The following SH3BGR variants were observed in gnomAD, a reference collection of about 807,000 sequenced individuals.
SH3BGR encodes SH3 domain binding glutamate rich protein.
A neutral mutation model predicts 24.5 loss-of-function variants in SH3BGR; 29 were observed. The observed-to-expected ratio is 1.18, with a 90% CI of 0.88 to 1.61. SH3BGR has a LOEUF of 1.61. SH3BGR is among the 40% of genes most tolerant of loss of function. The probability of loss-of-function intolerance (pLI) is 0.00; values close to 1 mark genes in which losing one functional copy is unlikely to be tolerated. For missense variants in SH3BGR, 162 were observed against 205.8 expected (o/e 0.79, Z 1.30); for synonymous variants, 55 against 65.7 (o/e 0.84, Z 0.79).
chr21:39,482,752 C>T (rs1251984924), intron 3 of SH3BGR, among the ~76,000 whole-genome samples: 1 of 152,176 alleles, frequency 6.6e-6, no homozygotes. Flanking sequence ...TCACTGCGAC[C>T]TCTGCCTCCT....
intron 1 of SH3BGR, among the ~76,000 whole-genome samples, chr21:39,452,984 G>C (rs1213355423): frequency 6.6e-6 from 1 of 152,188 alleles, no homozygotes; most frequent in Non-Finnish European, 1.5e-5. Flanking sequence ...AGAAAAAACA[G>C]TTTTATTAAA....
chr21:39,486,685 C>G (rs531820788), intron 3 of SH3BGR, among the ~76,000 whole-genome samples: 1 of 152,260 alleles, frequency 6.6e-6, no homozygotes, highest in African/African-American at 2.4e-5. Context: ...TTGTCTGATA[C>G]CAGGCAAAAC....
At chr21:39,452,718 G>A (rs532623605) in intron 1 of SH3BGR, among the ~76,000 whole-genome samples, 1 of 152,260 alleles carries the variant, frequency 6.6e-6, no homozygotes, top group East Asian at 1.9e-4. Context: ...CATTCAGACG[G>A]CCCCAAAATA....
intron 3 of SH3BGR, 57 bp downstream of exon 3, chr21:39,475,272 A>G (rs2078008876): frequency 9.9e-7 from 1 of 1,012,484 alleles, no homozygotes; most frequent in Non-Finnish European, 1.6e-6. Context: ...ATGAAGGTAG[A>G]AATCACCGCA....
At chr21:39,481,476 C>T (rs1351976956) in intron 3 of SH3BGR, among the ~76,000 whole-genome samples, 1 of 152,154 alleles carries the variant, frequency 6.6e-6, no homozygotes, top group Non-Finnish European at 1.5e-5. Context: ...TAGATTGCTC[C>T]AGGTCACAAG....
chr21:39,478,914 C>T (rs2078071688), intron 3 of SH3BGR, among the ~76,000 whole-genome samples: 2 of 152,136 alleles, frequency 1.3e-5, no homozygotes, highest in Admixed American at 1.3e-4. Flanking sequence ...TTTCTTAATT[C>T]TGAGTTTATT....
At chr21:39,458,816 T>A (rs2077707318) in intron 1 of SH3BGR, among the ~76,000 whole-genome samples, 1 of 151,848 alleles carries the variant, frequency 6.6e-6, no homozygotes, top group Non-Finnish European at 1.5e-5. Context: ...CTGGCTCATT[T>A]TTGTATTTTT....
chr21:39,507,957 G>A (rs1291779442), intron 4 of SH3BGR, among the ~76,000 whole-genome samples: 3 of 152,116 alleles, frequency 2.0e-5, no homozygotes, highest in Non-Finnish European at 4.4e-5. Flanking sequence ...TATTAATCTT[G>A]AGAGGCTGCC....
chr21:39,452,503 A>G (rs771107378), intron 1 of SH3BGR, among the ~76,000 whole-genome samples: 14 of 152,210 alleles, frequency 9.2e-5, no homozygotes, highest in Non-Finnish European at 1.8e-4. Flanking sequence ...TTGTAAATAA[A>G]TGATACTTTG....
upstream of SH3BGR, chr21:39,451,809 T>G: frequency 7.4e-7 from 1 of 1,343,154 alleles, no homozygotes; most frequent in Admixed American, 2.0e-5. Context: ...GCGTTTAAAG[T>G]GATAGGGAAA....
intron 1 of SH3BGR, among the ~76,000 whole-genome samples, chr21:39,457,290 TATA>T (rs1286060100): frequency 1.0e-5 from 1 of 95,354 alleles, no homozygotes; most frequent in Admixed American, 9.8e-5. Context: ...ATAAGATTAT[TATA>T]ATATAGTTAC....
intron 2 of SH3BGR, among the ~76,000 whole-genome samples, chr21:39,466,975 C>T (rs1450871973): frequency 6.6e-6 from 1 of 151,810 alleles, no homozygotes; most frequent in Non-Finnish European, 1.5e-5. Flanking sequence ...TTTGTGATTC[C>T]TGAATTCAGA....
At chr21:39,488,848 CTG>C (rs2078252753) in intron 3 of SH3BGR, 1 of 172,144 alleles carries the variant, frequency 5.8e-6, no homozygotes, top group African/African-American at 2.4e-5. Flanking sequence ...CTGTGAGACA[CTG>C]TGTATCTAGC....
chr21:39,478,096 C>A (rs918179685), intron 3 of SH3BGR, among the ~76,000 whole-genome samples: 7 of 152,034 alleles, frequency 4.6e-5, no homozygotes, highest in Non-Finnish European at 1.0e-4. Context: ...GAACTTATTT[C>A]TCCTAACAGA....
rs183954680 is a variant in SH3BGR, at chr21:39,510,984, T to G, written c.436-696T>G. Among the ~76,000 whole-genome samples the G allele has an allele frequency of 2.7e-3, 391 of 144,584 alleles. 1 individual carries two copies. The highest frequency in any genetic ancestry group is 9.6e-3 in the African/African-American group (377 of 39,362). 94.9% of individuals were successfully genotyped at this position (144,584 alleles called of 152,430 possible). ...TGTAAAGGTTATTTGCTGAGAATGG[T>G]TTGTTAATATGAGTGGAGACTGTAC... On this transcript the variant is annotated intron_variant, in intron 5 of 6. Transcript: ENST00000333634.
At chr21:39,475,818 T>C (rs1228185382) in intron 3 of SH3BGR, among the ~76,000 whole-genome samples, 1 of 152,208 alleles carries the variant, frequency 6.6e-6, no homozygotes, top group Non-Finnish European at 1.5e-5. Flanking sequence ...TTAATTCATG[T>C]GACTTGCTAA....
At chr21:39,477,338 G>A (rs2078043806) in intron 3 of SH3BGR, among the ~76,000 whole-genome samples, 1 of 152,082 alleles carries the variant, frequency 6.6e-6, no homozygotes, top group Non-Finnish European at 1.5e-5. Flanking sequence ...ATCTTGCTAT[G>A]TTGCCCAGGC....
At chr21:39,479,210 G>A (rs2078077948) in intron 3 of SH3BGR, among the ~76,000 whole-genome samples, 1 of 151,258 alleles carries the variant, frequency 6.6e-6, no homozygotes, top group Admixed American at 6.6e-5. Context: ...TGGTGGTGGT[G>A]GTGGAGGTGG....
At chr21:39,515,065 C>G (rs1424958009) in intron 6 of SH3BGR, 23 bp from the exon 7 acceptor site, 1 of 467,354 alleles carries the variant, frequency 2.1e-6, no homozygotes, top group South Asian at 1.6e-5. Context: ...CAGTCTTTCC[C>G]TAATATTTGC....
Sources: allele counts gnomAD v4.1 joint callset (sites outside exome capture counted in the v4.1 genomes callset), GRCh38; gene constraint gnomAD v4.1.1; transcripts MANE v1.5; gene names NCBI Gene and HGNC (gene_info 2026-07-23, HGNC 2026-07-21).